Variants in ECH1 observed in about 807,000 individuals in gnomAD.
ECH1 encodes enoyl-CoA hydratase 1.
ECH1 carries 30 observed loss-of-function variants against 37.0 expected under a neutral mutation model. The ratio of observed to expected loss-of-function variants is 0.81; its 90% CI spans 0.61 to 1.10. ECH1 has a LOEUF of 1.10. Among genes scored for constraint, ECH1 ranks in the 50% least tolerant of loss-of-function variants. The pLI, the probability that ECH1 is intolerant of heterozygous loss-of-function variation, is 0.00. For missense variants in ECH1, 456 were observed against 441.6 expected, an observed-to-expected ratio of 1.03 and a Z score of -0.29; for synonymous variants, 178 against 176.0, an observed-to-expected ratio of 1.01 and a Z score of -0.09.
At chr19:38,827,278 C>G (rs1659271344) in intron 3 of ECH1, among the ~76,000 whole-genome samples, 1 of 152,198 alleles carries the variant, frequency 6.6e-6, no homozygotes. Context: ...GGGTTCCCAG[C>G]ACCAGGCTCT....
In ECH1 at chr19:38,816,087, C is replaced by T; in HGVS notation, c.732-80G>A. ...CCTCCCGCAGATGAAGAAGTGGCCA[C>T]TCACAGAGGAAGGCCCAAGACCCCA... On this transcript the variant is annotated intron_variant, in intron 8 of 9. Coordinates refer to ENST00000221418, the MANE Select transcript of ECH1 (RefSeq NM_001398.3). 5.7e-6 allele frequency: 9 copies of T among 1,581,324 alleles called. No individual in the cohort carries two copies. In the South Asian group the frequency reaches 8.0e-5, roughly 14 times the overall value.
intron 3 of ECH1, among the ~76,000 whole-genome samples, chr19:38,827,711 A>G (rs993247897): frequency 6.6e-6 from 1 of 152,134 alleles, no homozygotes; most frequent in Admixed American, 6.6e-5. Flanking sequence ...ACTGTCACCC[A>G]GGCTGGGTGC....
intron 3 of ECH1, among the ~76,000 whole-genome samples, chr19:38,830,631 CAGAG>C (rs1971804617): frequency 7.8e-6 from 1 of 127,588 alleles, no homozygotes; most frequent in Non-Finnish European, 1.6e-5. Flanking sequence ...GCCTGGGTGA[CAGAG>C]AAAGATATTG....
intron 3 of ECH1, among the ~76,000 whole-genome samples, chr19:38,829,074 CAGGAGTT>C (rs1971779152): frequency 6.6e-6 from 1 of 150,842 alleles, no homozygotes; most frequent in African/African-American, 2.4e-5. Flanking sequence ...CACTGGAGGC[CAGGAGTT>C]CAAGACCCGC....
chr19:38,828,998 C>G (rs1251178862), intron 3 of ECH1, among the ~76,000 whole-genome samples: 1 of 150,854 alleles, frequency 6.6e-6, no homozygotes, highest in Non-Finnish European at 1.5e-5. Flanking sequence ...AAAAAATATA[C>G]AACTGACCAG....
chr19:38,818,901 CTGTGTGTGTGTGTGTGTG>C (rs761871749), intron 3 of ECH1, among the ~76,000 whole-genome samples: 1 of 133,510 alleles, frequency 7.5e-6, no homozygotes, highest in Admixed American at 7.7e-5. Flanking sequence ...GCCTCCAACT[CTGTGTGTGTGTGTGTGTG>C]TGTGTGTGTG....
At position 38,831,137 on chromosome 19, in the gene ECH1, G is replaced by C. The variant is rs758672929; in HGVS notation, c.290C>G (p.Ser97Trp). Residue 97 changes from serine (S) to tryptophan (W), a missense_variant, in exon 3 of 10, where the codon TCG (serine) becomes TGG (tryptophan). Transcript: ENST00000221418. The part of the protein sequence containing the change: ...REMVECFNKI[S>W]RDADCRAVVI... Reference sequence around the variant, plus strand: ...CACCGCCCGACAGTCAGCGTCTCTCGAAATCTTGTTGAAGCACTCTACCAT... The same window carrying C: ...CACCGCCCGACAGTCAGCGTCTCTCCAAATCTTGTTGAAGCACTCTACCAT... The C allele has an allele frequency of 1.2e-6, 2 of 1,613,992 alleles. No homozygotes were observed. Among genetic ancestry groups the C allele is most frequent in the African/African-American group, 1.3e-5 (1 of 74,888 alleles).
At position 38,817,080 on chromosome 19, in the gene ECH1, A is replaced by G. The variant is rs373562211; in HGVS notation, c.573T>C (p.Ala191=). 9 of 1,574,960 alleles carry G rather than the reference A, an allele frequency of 5.7e-6. No individual in the cohort carries two copies. Among genetic ancestry groups the G allele is most frequent in the Middle Eastern group, 1.7e-4 (1 of 6,024 alleles). Residue 191 remains alanine, a synonymous_variant, in exon 6 of 10, where the codon GCT becomes GCC. Transcript: ENST00000221418. The part of the protein sequence containing the change: ...ACDIRYCAQD[A]FFQVKEVDVG... ...GATGACTCACCTTCACCTGGAAGAA[A>G]GCATCCTGGGCACAGTACCGGATGT... is the stretch of plus-strand genomic sequence containing the variant.
chr19:38,823,981 C>T (rs753734071), intron 3 of ECH1, among the ~76,000 whole-genome samples: 8 of 152,108 alleles, frequency 5.3e-5, no homozygotes, highest in Non-Finnish European at 2.9e-5. Flanking sequence ...GTCATAGTGG[C>T]GACTACCTGG....
intron 3 of ECH1, among the ~76,000 whole-genome samples, chr19:38,829,770 C>T (rs1385768800): frequency 5.5e-5 from 8 of 144,720 alleles, no homozygotes; most frequent in South Asian, 2.2e-4. Flanking sequence ...GAGCCGAGAT[C>T]GCACCACTGC....
At chr19:38,829,094 G>A (rs983300367) in intron 3 of ECH1, among the ~76,000 whole-genome samples, 1 of 151,022 alleles carries the variant, frequency 6.6e-6, no homozygotes, top group African/African-American at 2.4e-5. Flanking sequence ...AGACCCGCCT[G>A]GCCAAAATGG....
Position 38,817,515 on chromosome 19 carries a change from C to A in ECH1, c.410G>T (p.Arg137Leu). Residue 137 changes from arginine (R) to leucine (L), a missense_variant, in exon 4 of 10, where the codon CGG (arginine) becomes CTG (leucine). Transcript: ENST00000221418. ...ILQPKGDDVA[R>L]ISWYLRDIIT... Reference sequence around the variant, plus strand: ...GATGTCACGGAGGTACCAGCTGATCCGGGCCACATCATCTCCTTTGGGCTG... The same window carrying A: ...GATGTCACGGAGGTACCAGCTGATCAGGGCCACATCATCTCCTTTGGGCTG... 1 of 1,613,902 alleles carries A rather than the reference C, an allele frequency of 6.2e-7. No individual in the cohort carries two copies. Among genetic ancestry groups the A allele is most frequent in the Non-Finnish European group, 8.5e-7 (1 of 1,179,894 alleles).
At chr19:38,830,670 C>T (rs951269467) in intron 3 of ECH1, among the ~76,000 whole-genome samples, 5 of 147,112 alleles carry the variant, frequency 3.4e-5, no homozygotes, top group Non-Finnish European at 6.0e-5. Flanking sequence ...AAAAAAAACA[C>T]ACAGATAAAA....
At chr19:38,819,931 G>A (rs193187041) in intron 3 of ECH1, among the ~76,000 whole-genome samples, 95 of 151,668 alleles carry the variant, frequency 6.3e-4, no homozygotes, top group South Asian at 3.5e-3. Flanking sequence ...CAGCCTGGGC[G>A]ACAGAGCAAG....
intron 3 of ECH1, among the ~76,000 whole-genome samples, chr19:38,818,923 GTGTGTGTGT>G: frequency 7.3e-6 from 1 of 136,126 alleles, no homozygotes; most frequent in Non-Finnish European, 1.6e-5. Flanking sequence ...GTGTGTGTGT[GTGTGTGTGT>G]GCACTGTTCC....
intron 3 of ECH1, among the ~76,000 whole-genome samples, chr19:38,823,597 G>A (rs1386025056): frequency 1.3e-5 from 2 of 152,192 alleles, no homozygotes; most frequent in Admixed American, 6.5e-5. Context: ...GGTTTGCCTA[G>A]AACCAGCTTC....
chr19:38,831,681 G>A, intron 1 of ECH1, 40 bp downstream of exon 1: 1 of 1,612,058 alleles, frequency 6.2e-7, no homozygotes, highest in South Asian at 1.1e-5. Context: ...ATAACAGCAC[G>A]ACAGCGCGAC....
Position 38,831,468 on chromosome 19 carries a change from G to C in ECH1, c.101C>G (p.Thr34Ser), listed in dbSNP as rs376433814. The part of the protein sequence containing the change: ...YPGLSISLRL[T>S]GSSAQEEASG... ...AGCCTCCTCTTGTGCAGAGGAGCCA[G>C]TGAGGCGAAGGCTAATACTGAGTCC... Residue 34 changes from threonine (T) to serine (S), a missense_variant, in exon 2 of 10, where the codon ACT becomes AGT. Coordinates refer to ENST00000221418, the MANE Select transcript of ECH1 (RefSeq NM_001398.3). 5.6e-6 allele frequency: 9 copies of C among 1,614,066 alleles called. No individual in the cohort carries two copies. Among genetic ancestry groups the C allele is most frequent in the Non-Finnish European group, 7.6e-6 (9 of 1,180,044 alleles).
At position 38,816,466 on chromosome 19, in the gene ECH1, T is replaced by C; in HGVS notation, c.646A>G (p.Ile216Val). 1 of 1,614,134 alleles carries C rather than the reference T, an allele frequency of 6.2e-7. No individual in the cohort carries two copies. Among genetic ancestry groups the C allele is most frequent in the Non-Finnish European group, 8.5e-7 (1 of 1,179,986 alleles). Reference sequence around the variant, plus strand: ...CCCTGCACCCACCTCTGGTTCCCGATGACCTTGGGCAGGCGCTGCAGTGTT... The same window carrying C: ...CCCTGCACCCACCTCTGGTTCCCGACGACCTTGGGCAGGCGCTGCAGTGTT... Reference protein sequence around the residue: ...VGTLQRLPKVIGNQSLVNELA... With the variant: ...VGTLQRLPKVVGNQSLVNELA... Residue 216 changes from isoleucine (I) to valine (V), a missense_variant, in exon 7 of 10, where the codon ATC (isoleucine) becomes GTC (valine). Physicochemically the swap from Ile to Val is conservative, Grantham distance 29. Coordinates refer to ENST00000221418, the MANE Select transcript of ECH1 (RefSeq NM_001398.3).
Sources: allele counts gnomAD v4.1 joint callset (sites outside exome capture counted in the v4.1 genomes callset), GRCh38; gene constraint gnomAD v4.1.1; transcripts MANE v1.5; gene names NCBI Gene and HGNC (gene_info 2026-07-23, HGNC 2026-07-21).